The following GJA9 variants were observed in gnomAD, a reference collection of about 807,000 sequenced individuals.
GJA9 encodes gap junction protein alpha 9.
A neutral mutation model predicts 0.4 loss-of-function variants in GJA9; 1 was observed. The ratio of observed to expected loss-of-function variants is 2.50; its 90% CI spans 0.89 to 11.88. GJA9 has a LOEUF of 11.88. GJA9 is among the 30% of genes most tolerant of loss of function. GJA9 has a pLI of 0.12. For synonymous variants in GJA9, 190 were observed against 219.1 expected, an observed-to-expected ratio of 0.87 and a Z score of 1.17; for missense variants, 550 against 602.8, an observed-to-expected ratio of 0.91 and a Z score of 0.92.
chr1:38,878,584 G>A (rs1642633789), intron 1 of GJA9, among the ~76,000 whole-genome samples: 1 of 150,972 alleles, frequency 6.6e-6, no homozygotes, highest in Non-Finnish European at 1.5e-5. Context: ...GGCTGAGGCA[G>A]GAGAATCACT....
Position 38,875,690 on chromosome 1 carries a change from A to G in GJA9, c.409T>C (p.Cys137Arg). The part of the protein sequence containing the change: ...RDRRRLEQEL[C>R]QLEKRKLNKA... ...TTTAGTTTCCTTTTCTCCAGCTGAC[A>G]AAGCTCTTGCTCCAATCTCCTCCGA... The change falls in exon 2 of 2, where the codon TGT becomes CGT. Residue 137 changes from cysteine (C) to arginine (R), a missense_variant. By Grantham distance (180) the Cys-to-Arg change is radical. Coordinates refer to ENST00000357771, the MANE Select transcript of GJA9 (RefSeq NM_030772.5). 1 of 1,614,184 alleles carries G rather than the reference A, an allele frequency of 6.2e-7. No individual in the cohort carries two copies. The highest frequency in any genetic ancestry group is 8.5e-7 in the Non-Finnish European group (1 of 1,180,028).
chr1:38,874,684 T>G lies in GJA9; in HGVS notation c.1415A>C (p.Asp472Ala), dbSNP rs1642546837. 1.9e-6 allele frequency: 3 copies of G among 1,614,080 alleles called. No homozygotes were observed. The highest frequency in any genetic ancestry group is 2.7e-5 in the African/African-American group (2 of 74,926). Residue 472 changes from aspartate (D) to alanine (A), a missense_variant, in exon 2 of 2, where the codon GAT (aspartate) becomes GCT (alanine). By Grantham distance (126) the Asp-to-Ala change is moderately radical (BLOSUM62 -2). Coordinates refer to ENST00000357771, the MANE Select transcript of GJA9 (RefSeq NM_030772.5). Reference sequence around the variant, plus strand: ...CTCAAAGGACAGCCCTCCCAAAGAATCAGCAGTGTTTGGAATGTCAAGTGA... The same window carrying G: ...CTCAAAGGACAGCCCTCCCAAAGAAGCAGCAGTGTTTGGAATGTCAAGTGA... ...SQSLDIPNTA[D>A]SLGGLSFEPG...
At chr1:38,880,027 G>A (rs992476457) in intron 1 of GJA9, among the ~76,000 whole-genome samples, 1 of 151,276 alleles carries the variant, frequency 6.6e-6, no homozygotes, top group African/African-American at 2.4e-5. Flanking sequence ...CTGTTAATAC[G>A]ATTTGCAAAA....
rs750293236 is a variant in GJA9, at chr1:38,875,825, A to G, written c.274T>C (p.Tyr92His). The stretch of plus-strand genomic sequence containing the variant: ...AGTCGGTACAATGCATGGCCCATGT[A>G]GACCAGGGATGGTGAAGACACAAAT... ...VIFVSSPSLV[Y>H]MGHALYRLRV... Residue 92 changes from tyrosine to histidine, a missense_variant, in exon 2 of 2, where the codon TAC becomes CAC. By Grantham distance (83) the Tyr-to-His change is moderately conservative (BLOSUM62 2). Coordinates refer to ENST00000357771, the MANE Select transcript of GJA9 (RefSeq NM_030772.5). 2 of 1,614,224 alleles carry G rather than the reference A, an allele frequency of 1.2e-6. No homozygotes were observed. Among genetic ancestry groups the G allele is most frequent in the Non-Finnish European group, 1.7e-6 (2 of 1,180,044 alleles).
chr1:38,876,319 G>A, intron 1 of GJA9, 126 bp from the exon 2 acceptor site: 1 of 564,462 alleles, frequency 1.8e-6, no homozygotes, highest in Non-Finnish European at 3.2e-6. Flanking sequence ...TGTTGCCCAG[G>A]CTGGAGTACA....
chr1:38,877,383 A>T (rs1221613265), intron 1 of GJA9, among the ~76,000 whole-genome samples: 3 of 152,152 alleles, frequency 2.0e-5, no homozygotes, highest in Non-Finnish European at 4.4e-5. Context: ...TTCTAAAACT[A>T]GTAACCTGAT....
chr1:38,878,843 C>G (rs1166918164), intron 1 of GJA9, among the ~76,000 whole-genome samples: 1 of 148,188 alleles, frequency 6.7e-6, no homozygotes, highest in Non-Finnish European at 1.5e-5. Context: ...AAGTGATTCT[C>G]CTGCCCCAGG....
At position 38,874,948 on chromosome 1, in the gene GJA9, GAGT is replaced by G; in HGVS notation, c.1148_1150del (p.Tyr383del). 1.2e-6 allele frequency: 2 copies of G among 1,614,196 alleles called. No individual in the cohort carries two copies. The highest frequency in any genetic ancestry group is 1.1e-5 in the South Asian group (1 of 91,086). On this transcript the variant is annotated inframe_deletion, in exon 2 of 2. Transcript: ENST00000357771. ...ACCTGGAATAGAACGGTGACCTCTA[GAGT>G]AGTAGTTCCTTTTGCTGTCTTTGCC... is the stretch of plus-strand genomic sequence containing the variant.
At chr1:38,881,306 C>T in intron 1 of GJA9, 126 bp downstream of exon 1, 1 of 501,656 alleles carries the variant, frequency 2.0e-6, no homozygotes. Context: ...CAAATTAAAG[C>T]TTTCATAGCA....
chr1:38,876,574 G>A (rs770881850), intron 1 of GJA9, among the ~76,000 whole-genome samples: 2 of 152,138 alleles, frequency 1.3e-5, no homozygotes, highest in Admixed American at 1.3e-4. Flanking sequence ...CACCACACCT[G>A]GCCAAAGTGT....
At position 38,874,134 on chromosome 1, in the gene GJA9, G is replaced by A. The variant is rs930485159; in HGVS notation, c.*417C>T. On this transcript the variant is annotated 3_prime_UTR_variant, in exon 2 of 2. Coordinates refer to ENST00000357771, the MANE Select transcript of GJA9 (RefSeq NM_030772.5). ...ATACTCAAGACACATCAGGATGCCA[G>A]TCTAGAAGGAAACTTACGTGATTGT... The A allele has an allele frequency of 2.8e-6, 1 of 353,532 alleles. No homozygotes were observed. The highest frequency in any genetic ancestry group is 7.4e-5 in the East Asian group (1 of 13,542). The allele number at this position is 353,532 out of a possible 1,614,324, so 21.9% of individuals were successfully genotyped here. A position where few individuals can be genotyped will look rare whatever the true frequency, so the allele number is the denominator to read the frequency against.
chr1:38,874,468 G>T lies in GJA9; in HGVS notation c.*83C>A. Reference sequence around the variant, plus strand: ...GTCTTAACAGCTGGTCTTTAGAGCTGCCCCTATCTATTTTTTCTGTGCCCC... The same window carrying T: ...GTCTTAACAGCTGGTCTTTAGAGCTTCCCCTATCTATTTTTTCTGTGCCCC... On this transcript the variant is annotated 3_prime_UTR_variant, in exon 2 of 2. Coordinates refer to ENST00000357771, the MANE Select transcript of GJA9 (RefSeq NM_030772.5). 1 of 1,029,282 alleles carries T rather than the reference G, an allele frequency of 9.7e-7. No individual in the cohort carries two copies. The highest frequency in any genetic ancestry group is 1.5e-6 in the Non-Finnish European group (1 of 686,888). The allele number at this position is 1,029,282 out of a possible 1,614,324, so 63.8% of individuals were successfully genotyped here.
In GJA9 at chr1:38,875,560, C is replaced by G; in HGVS notation, c.539G>C (p.Gly180Ala). ...GFMIGQYLLY[G>A]FHLEPLFKCH... ...CTTAAATAGCGGCTCTAAGTGAAAT[C>G]CATATAAAAGGTACTGTCCAATCAT... The change falls in exon 2 of 2, where the codon GGA becomes GCA. Residue 180 changes from glycine (G) to alanine (A), a missense_variant. Coordinates refer to ENST00000357771, the MANE Select transcript of GJA9 (RefSeq NM_030772.5). 6.2e-7 allele frequency: 1 copy of G among 1,614,154 alleles called. No homozygotes were observed. The highest frequency in any genetic ancestry group is 8.5e-7 in the Non-Finnish European group (1 of 1,180,022).
At chr1:38,876,217 G>T (rs2124276450) in intron 1 of GJA9, 24 bp from the exon 2 acceptor site, 2 of 788,020 alleles carry the variant, frequency 2.5e-6, no homozygotes, top group East Asian at 5.0e-5. Context: ...ATAACAATAT[G>T]TCACTTCTAT....
In GJA9 at chr1:38,877,622, G is replaced by GAT. The variant is rs1642613576; in HGVS notation, c.-95-1430_-95-1429insAT. On this transcript the variant is annotated intron_variant, in intron 1 of 1. Coordinates refer to ENST00000357771, the MANE Select transcript of GJA9 (RefSeq NM_030772.5). ...AGCGATTCCCCTGCCTCATCCTCCT[G>GAT]AGTAGCTGGGATTACAGGCGCCTGC... Among the ~76,000 whole-genome samples the GAT allele has an allele frequency of 2.0e-5, 3 of 151,922 alleles. No homozygotes were observed. In the South Asian group the frequency reaches 6.2e-4, roughly 32 times the overall value.
intron 1 of GJA9, among the ~76,000 whole-genome samples, chr1:38,880,717 G>A (rs1642683595): frequency 1.3e-5 from 2 of 151,962 alleles, no homozygotes; most frequent in African/African-American, 4.8e-5. Flanking sequence ...GGGAGGTGAA[G>A]GTTGCAGTGA....
At position 38,875,924 on chromosome 1, in the gene GJA9, G is replaced by A. The variant is rs758941326; in HGVS notation, c.175C>T (p.Pro59Ser). The change falls in exon 2 of 2, where the codon CCA (proline) becomes TCA (serine). Residue 59 changes from proline (P) to serine (S), a missense_variant. Transcript: ENST00000357771. Reference sequence around the variant, plus strand: ...TCGTAGCATACATTTCTGCAGCCTGGTTGTTCTGTATTGCAGATGAAGCCA... The same window carrying A: ...TCGTAGCATACATTTCTGCAGCCTGATTGTTCTGTATTGCAGATGAAGCCA... ...QSGFICNTEQ[P>S]GCRNVCYDQA... The A allele has an allele frequency of 3.1e-6, 5 of 1,614,042 alleles. No individual in the cohort carries two copies. In the East Asian group the frequency reaches 6.7e-5, roughly 22 times the overall value.
chr1:38,878,188 C>T (rs1306371593), intron 1 of GJA9, among the ~76,000 whole-genome samples: 2 of 151,916 alleles, frequency 1.3e-5, no homozygotes, highest in Admixed American at 6.6e-5. Context: ...AAGTGATTCT[C>T]GTGCCTGAGC....
chr1:38,876,175 A>G lies in GJA9; in HGVS notation c.-77T>C. On this transcript the variant is annotated 5_prime_UTR_variant, in exon 2 of 2. Transcript: ENST00000357771. ...TAAATTCTTCCATTCTGAAGGGAGC[A>G]CTATTTCTTAAAGCAAACCTATGGT... 1 of 1,171,164 alleles carries G rather than the reference A, an allele frequency of 8.5e-7. No individual in the cohort carries two copies. Among genetic ancestry groups the G allele is most frequent in the Non-Finnish European group, 1.2e-6 (1 of 809,800 alleles). 72.5% of individuals were successfully genotyped at this position (1,171,164 alleles called of 1,614,324 possible).
Sources: gnomAD v4.1 joint callset for allele counts (sites outside exome capture counted in the v4.1 genomes callset) on GRCh38, gnomAD v4.1.1 for gene constraint, MANE v1.5 for transcripts, NCBI Gene and HGNC (gene_info 2026-07-23, HGNC 2026-07-21) for gene names.